Variants in RHBDD1 observed in about 807,000 individuals in gnomAD.
The protein encoded by RHBDD1 is rhomboid-related protein 4.
RHBDD1 carries 38 observed loss-of-function variants against 36.3 expected under a neutral mutation model. The ratio of observed to expected loss-of-function variants is 1.05; its 90% CI spans 0.81 to 1.37. The LOEUF (loss-of-function observed/expected upper bound fraction) is 1.37, where lower values mean the gene tolerates loss of function less well. RHBDD1 is among the 40% of genes most tolerant of loss of function. The pLI is 0.00. For missense variants in RHBDD1, 393 were observed against 377.6 expected (o/e 1.04, Z -0.34); for synonymous variants, 151 against 136.5 (o/e 1.11, Z -0.74).
At chr2:226,962,713 G>A (rs1286701095) in intron 8 of RHBDD1, among the ~76,000 whole-genome samples, 1 of 152,198 alleles carries the variant, frequency 6.6e-6, no homozygotes, top group Non-Finnish European at 1.5e-5. Context: ...AGACAAGGGA[G>A]GAGGAAGGCA....
intron 8 of RHBDD1, among the ~76,000 whole-genome samples, chr2:226,930,754 T>A (rs1949982171): frequency 6.6e-6 from 1 of 151,974 alleles, no homozygotes. Context: ...AAAGGACTAA[T>A]ATCCAGAATC....
Position 226,864,851 on chromosome 2 carries a change from G to T in RHBDD1, c.158G>T (p.Cys53Phe). 6.2e-7 allele frequency: 1 copy of T among 1,614,220 alleles called. No homozygotes were observed. The highest frequency in any genetic ancestry group is 8.5e-7 in the Non-Finnish European group (1 of 1,180,046). ...LNPQKPLYSS[C>F]LSVEKCYQQK... Reference sequence around the variant, plus strand: ...CCTCAGAAGCCACTGTATAGCTCCTGCCTTAGTGTGGAGAAGTGTTACCAG... The same window carrying T: ...CCTCAGAAGCCACTGTATAGCTCCTTCCTTAGTGTGGAGAAGTGTTACCAG... Residue 53 changes from cysteine (C) to phenylalanine (F), a missense_variant, in exon 4 of 9, where the codon TGC becomes TTC. Cys to Phe is a radical substitution (Grantham distance 205). Coordinates refer to ENST00000392062, the MANE Select transcript of RHBDD1 (RefSeq NM_001167608.3).
intron 8 of RHBDD1, among the ~76,000 whole-genome samples, chr2:226,982,029 A>T (rs1157575077): frequency 2.0e-5 from 3 of 152,242 alleles, no homozygotes; most frequent in Non-Finnish European, 4.4e-5. Context: ...CATGGCTATC[A>T]TACTTTTGAT....
chr2:226,845,749 A>G (rs1213081343), intron 3 of RHBDD1, among the ~76,000 whole-genome samples: 1 of 152,242 alleles, frequency 6.6e-6, no homozygotes, highest in African/African-American at 2.4e-5. Context: ...TGTTAAATTC[A>G]GCAAGATTGC....
chr2:226,837,569 T>C (rs2124909413), intron 1 of RHBDD1: 1 of 152,332 alleles, frequency 6.6e-6, no homozygotes, highest in Admixed American at 6.5e-5. Context: ...GACAGTCTCT[T>C]TCTGCCACCC....
intron 8 of RHBDD1, chr2:226,988,278 T>G (rs1957439129): frequency 6.6e-7 from 1 of 1,518,412 alleles, no homozygotes; most frequent in Admixed American, 2.1e-5. Context: ...GAGGCCACTG[T>G]AAGTCTCTTC....
intron 5 of RHBDD1, chr2:226,869,157 A>T: frequency 1.0e-6 from 1 of 985,092 alleles, no homozygotes. Flanking sequence ...CCCCCAACTT[A>T]CATGGAAAAG....
At chr2:226,938,870 A>G (rs978700890) in intron 8 of RHBDD1, among the ~76,000 whole-genome samples, 3 of 152,228 alleles carry the variant, frequency 2.0e-5, no homozygotes, top group African/African-American at 7.2e-5. Flanking sequence ...CATCAATGCA[A>G]AAATCCTCAA....
At chr2:226,971,712 T>C (rs1265425362) in intron 8 of RHBDD1, among the ~76,000 whole-genome samples, 2 of 152,172 alleles carry the variant, frequency 1.3e-5, no homozygotes, top group African/African-American at 4.8e-5. Flanking sequence ...TTGCCTGTTG[T>C]TTCTTTTGGT....
chr2:226,893,752 G>A (rs1946868256), intron 5 of RHBDD1, among the ~76,000 whole-genome samples: 1 of 152,262 alleles, frequency 6.6e-6, no homozygotes, highest in African/African-American at 2.4e-5. Flanking sequence ...CTAATGATTA[G>A]CAGGGGTGCT....
the RHBDD1 span, among the ~76,000 whole-genome samples, chr2:226,806,481 A>C: frequency 6.6e-6 from 1 of 152,256 alleles, no homozygotes; most frequent in African/African-American, 2.4e-5. Context: ...ATTACAAATG[A>C]AGACATTAGG....
chr2:226,881,227 C>T (rs1004662340), intron 5 of RHBDD1, among the ~76,000 whole-genome samples: 15 of 152,322 alleles, frequency 9.8e-5, no homozygotes, highest in South Asian at 2.1e-4. Flanking sequence ...CACCTGGTCT[C>T]TCCCTTGACA....
At chr2:226,819,972 T>A in the RHBDD1 span, among the ~76,000 whole-genome samples, 1 of 108,378 alleles carries the variant, frequency 9.2e-6, no homozygotes, top group African/African-American at 4.4e-5. Flanking sequence ...CTACATATTG[T>A]GTGTGTTTTT....
At chr2:226,987,959 G>A (rs1957372056) in intron 8 of RHBDD1, among the ~76,000 whole-genome samples, 1 of 152,152 alleles carries the variant, frequency 6.6e-6, no homozygotes, top group African/African-American at 2.4e-5. Context: ...CTGGGCAATG[G>A]TTGCTGTTTG....
chr2:226,907,117 A>C (rs1559256721), intron 6 of RHBDD1: 3 of 584,988 alleles, frequency 5.1e-6, no homozygotes, highest in Non-Finnish European at 6.1e-6. Context: ...AAATATCAGT[A>C]TATATTTATA....
chr2:226,990,275 G>C (rs959336355), intron 8 of RHBDD1, among the ~76,000 whole-genome samples: 8 of 152,138 alleles, frequency 5.3e-5, no homozygotes, highest in African/African-American at 1.9e-4. Flanking sequence ...GAGCTTTGCA[G>C]TTCATGGAAT....
At chr2:226,976,632 C>T (rs183991400) in intron 8 of RHBDD1, among the ~76,000 whole-genome samples, 4 of 152,188 alleles carry the variant, frequency 2.6e-5, no homozygotes, top group Non-Finnish European at 5.9e-5. Flanking sequence ...AGAGAAGAGA[C>T]CCCAGTCCAA....
At chr2:226,916,778 G>C (rs2125727724) in intron 8 of RHBDD1, among the ~76,000 whole-genome samples, 1 of 152,314 alleles carries the variant, frequency 6.6e-6, no homozygotes, top group South Asian at 2.1e-4. Context: ...GAAAGGAAAT[G>C]CAAGAAGACA....
At chr2:226,806,282 G>A in the RHBDD1 span, among the ~76,000 whole-genome samples, 27 of 152,146 alleles carry the variant, frequency 1.8e-4, no homozygotes, top group Non-Finnish European at 3.7e-4. Context: ...AGTGGGCAGA[G>A]GGTTACCCAT....
Sources: allele counts gnomAD v4.1 joint callset (sites outside exome capture counted in the v4.1 genomes callset), GRCh38; gene constraint gnomAD v4.1.1; transcripts MANE v1.5; gene names NCBI Gene and HGNC (gene_info 2026-07-23, HGNC 2026-07-21).